Variants in GRID1 observed in about 807,000 individuals in gnomAD.
GRID1 encodes the protein glutamate ionotropic receptor delta type subunit 1.
A neutral mutation model predicts 98.0 loss-of-function variants in GRID1; 28 were observed. The observed-to-expected ratio is 0.29, with a 90% CI of 0.21 to 0.39. The LOEUF (loss-of-function observed/expected upper bound fraction) is 0.39. Ranked by LOEUF, GRID1 falls within the 10% of genes least tolerant of loss-of-function variation. The pLI is 1.00. For synonymous variants in GRID1, 553 were observed against 538.5 expected, an observed-to-expected ratio of 1.03 and a Z score of -0.37; for missense variants, 1,111 against 1,340.5, an observed-to-expected ratio of 0.83 and a Z score of 2.67.
intron 13 of GRID1, among the ~76,000 whole-genome samples, chr10:85,636,338 G>C (rs746016680): frequency 6.6e-6 from 1 of 152,130 alleles, no homozygotes; most frequent in African/African-American, 2.4e-5. Flanking sequence ...TAAATGAGTT[G>C]ATGAATAAAT....
intron 2 of GRID1, among the ~76,000 whole-genome samples, chr10:86,331,800 T>C (rs1848146317): frequency 6.6e-6 from 1 of 152,192 alleles, no homozygotes; most frequent in Non-Finnish European, 1.5e-5. Flanking sequence ...TGCTAGTAAC[T>C]GGTCTGGCAC....
At chr10:85,698,914 C>T (rs1186421535) in intron 12 of GRID1, among the ~76,000 whole-genome samples, 1 of 152,098 alleles carries the variant, frequency 6.6e-6, no homozygotes, top group Non-Finnish European at 1.5e-5. Flanking sequence ...TGAGCATCTT[C>T]TCATGTTTGT....
At chr10:85,846,177 C>T (rs1843003302) in intron 8 of GRID1, among the ~76,000 whole-genome samples, 1 of 152,250 alleles carries the variant, frequency 6.6e-6, no homozygotes, top group South Asian at 2.1e-4. Flanking sequence ...TAAAACAAGG[C>T]ATTCCAAAAC....
At chr10:85,611,679 C>CCTA (rs1842734292) in intron 15 of GRID1, among the ~76,000 whole-genome samples, 2 of 152,172 alleles carry the variant, frequency 1.3e-5, no homozygotes, top group Admixed American at 1.3e-4. Flanking sequence ...ATCACAGCTG[C>CCTA]CTACTGATGC....
intron 8 of GRID1, among the ~76,000 whole-genome samples, chr10:85,749,108 T>C (rs576316241): frequency 2.0e-5 from 3 of 152,326 alleles, no homozygotes; most frequent in African/African-American, 7.2e-5. Flanking sequence ...TCCCTATTTT[T>C]ACTCGGGCCT....
At position 85,692,940 on chromosome 10, in the gene GRID1, C is replaced by T. The variant is rs545959835; in HGVS notation, c.1997+30063G>A. 2.0e-5 allele frequency among the ~76,000 whole-genome samples: 3 copies of T among 152,276 alleles called. No individual in the cohort carries two copies. In the South Asian group the frequency reaches 6.2e-4, roughly 32 times the overall value. On this transcript the variant is annotated intron_variant, in intron 12 of 15. Coordinates refer to ENST00000327946, the MANE Select transcript of GRID1 (RefSeq NM_017551.3). The stretch of plus-strand genomic sequence containing the variant: ...GTAAGGCTGTAAAGGTGGCTATGAT[C>T]AAGTGAAGATGCTTTGCTAAGAAAG...
chr10:86,211,734 G>A (rs1179808931), intron 2 of GRID1, among the ~76,000 whole-genome samples: 4 of 152,184 alleles, frequency 2.6e-5, no homozygotes, highest in Non-Finnish European at 5.9e-5. Flanking sequence ...AGCACAGAGA[G>A]TGCTAGTTGC....
rs190455086 is a variant in GRID1 at position 86,175,664 on chromosome 10, G to A, written c.520+30700C>T. Among the ~76,000 whole-genome samples, 4 of 152,104 alleles carry A rather than the reference G, an allele frequency of 2.6e-5. No homozygotes were observed. In the East Asian group the frequency reaches 7.7e-4, roughly 29 times the overall value. ...AGAGCTGTGCCTGGCACAGGGGAGT[G>A]TTTGGTAAATGTTTGTGGAATGAAT... On this transcript the variant is annotated intron_variant, in intron 3 of 15. Coordinates refer to ENST00000327946, the MANE Select transcript of GRID1 (RefSeq NM_017551.3).
chr10:85,901,948 A>T lies in GRID1; in HGVS notation c.780+14238T>A, dbSNP rs189608142. Reference sequence around the variant, plus strand: ...AAGAAGAATAGATCTATTGTGATTAACATATAGAAGTGCATTTCCAGTAAA... The same window carrying T: ...AAGAAGAATAGATCTATTGTGATTATCATATAGAAGTGCATTTCCAGTAAA... On this transcript the variant is annotated intron_variant, in intron 5 of 15. Transcript: ENST00000327946. Among the ~76,000 whole-genome samples the T allele has an allele frequency of 9.8e-5, 15 of 152,358 alleles. No individual in the cohort carries two copies. In the East Asian group the frequency reaches 2.7e-3, roughly 27 times the overall value.
chr10:86,283,851 C>A (rs1009864094), intron 2 of GRID1, among the ~76,000 whole-genome samples: 1 of 150,818 alleles, frequency 6.6e-6, no homozygotes, highest in Non-Finnish European at 1.5e-5. Context: ...CATATACACA[C>A]CTGTCCTCTC....
At chr10:85,694,375 C>T (rs1218943894) in intron 12 of GRID1, among the ~76,000 whole-genome samples, 1 of 151,602 alleles carries the variant, frequency 6.6e-6, no homozygotes, top group Non-Finnish European at 1.5e-5. Context: ...GGAGATTTCT[C>T]AAAGAACTAA....
chr10:86,019,902 G>T (rs1843027903), intron 4 of GRID1, among the ~76,000 whole-genome samples: 1 of 152,238 alleles, frequency 6.6e-6, no homozygotes, highest in Admixed American at 6.5e-5. Context: ...CTGGTACATT[G>T]CCAGCTTCAT....
chr10:86,037,584 G>A (rs2131896846), intron 4 of GRID1, among the ~76,000 whole-genome samples: 1 of 152,308 alleles, frequency 6.6e-6, no homozygotes, highest in South Asian at 2.1e-4. Flanking sequence ...AAGCCTTGAG[G>A]TTGGGGCTAA....
At chr10:86,348,474 A>G (rs1227706460) in intron 2 of GRID1, among the ~76,000 whole-genome samples, 6 of 152,230 alleles carry the variant, frequency 3.9e-5, no homozygotes, top group Non-Finnish European at 8.8e-5. Context: ...AGCAGACTGG[A>G]TGCCAGGCCA....
chr10:85,979,795 T>C (rs1046699509), intron 4 of GRID1, among the ~76,000 whole-genome samples: 3 of 152,180 alleles, frequency 2.0e-5, no homozygotes, highest in Non-Finnish European at 4.4e-5. Context: ...CAGACACTGG[T>C]CCACAGGGCT....
At chr10:86,029,232 C>T (rs1380439737) in intron 4 of GRID1, among the ~76,000 whole-genome samples, 1 of 152,250 alleles carries the variant, frequency 6.6e-6, no homozygotes, top group Non-Finnish European at 1.5e-5. Flanking sequence ...AATGGTCTCA[C>T]CATTCTTATA....
At chr10:85,821,516 C>CAAAAAAAAAA (rs1157209045) in intron 8 of GRID1, among the ~76,000 whole-genome samples, 13 of 9,112 alleles carry the variant, frequency 1.4e-3, no homozygotes, top group East Asian at 3.8e-3. Context: ...GACTTCATCT[C>CAAAAAAAAAA]AAAAAAAAAA....
chr10:86,086,644 G>A (rs1197434703), intron 4 of GRID1, among the ~76,000 whole-genome samples: 1 of 152,160 alleles, frequency 6.6e-6, no homozygotes, highest in Non-Finnish European at 1.5e-5. Context: ...GCATGTGTGT[G>A]CATGTATATG....
At chr10:86,359,058 A>G (rs1848569182) in intron 2 of GRID1, among the ~76,000 whole-genome samples, 1 of 152,198 alleles carries the variant, frequency 6.6e-6, no homozygotes, top group Non-Finnish European at 1.5e-5. Context: ...AGTGAGACCC[A>G]TGTTAGGCTT....
Sources: gnomAD v4.1 joint callset for allele counts (sites outside exome capture counted in the v4.1 genomes callset) on GRCh38, gnomAD v4.1.1 for gene constraint, MANE v1.5 for transcripts, NCBI Gene and HGNC (gene_info 2026-07-23, HGNC 2026-07-21) for gene names.